Variants in PIP5K1B observed in about 807,000 individuals in gnomAD.
PIP5K1B encodes phosphatidylinositol-4-phosphate 5-kinase type 1 beta, also known as phosphatidylinositol 4-phosphate 5-kinase type-1 beta.
Under a neutral mutation model 67.0 loss-of-function variants are expected in PIP5K1B, and 42 were observed. The observed-to-expected ratio is 0.63, with a 90% CI of 0.49 to 0.81. The LOEUF is 0.81. Among genes scored for constraint, PIP5K1B ranks in the 30% least tolerant of loss-of-function variants. The pLI, the probability that PIP5K1B is intolerant of heterozygous loss-of-function variation, is 0.00. For synonymous variants in PIP5K1B, 214 were observed against 231.4 expected (o/e 0.92, Z 0.68); for missense variants, 459 against 646.3 (o/e 0.71, Z 3.14).
At chr9:68,885,909 C>T (rs956845617) in intron 6 of PIP5K1B, among the ~76,000 whole-genome samples, 20 of 152,230 alleles carry the variant, frequency 1.3e-4, no homozygotes, top group Admixed American at 3.9e-4. Flanking sequence ...TGGCCAGGTG[C>T]GGTGGCTCAC....
intron 4 of PIP5K1B, among the ~76,000 whole-genome samples, chr9:68,839,204 T>A (rs1042738215): frequency 2.0e-5 from 3 of 152,216 alleles, no homozygotes; most frequent in Admixed American, 1.3e-4. Flanking sequence ...TTGAGAATTT[T>A]AATGTAATTT....
chr9:68,827,923 C>T (rs1392132217), intron 4 of PIP5K1B, among the ~76,000 whole-genome samples: 1 of 152,150 alleles, frequency 6.6e-6, no homozygotes, highest in Admixed American at 6.5e-5. Flanking sequence ...CAAGTTTTGT[C>T]TGTTTTATAT....
intron 7 of PIP5K1B, among the ~76,000 whole-genome samples, chr9:68,892,690 A>T (rs1824858454): frequency 6.6e-6 from 1 of 152,230 alleles, no homozygotes. Context: ...TTTGGGATAT[A>T]AAAAAGCTTT....
intron 5 of PIP5K1B, among the ~76,000 whole-genome samples, chr9:68,872,674 A>G (rs1194679109): frequency 6.6e-6 from 1 of 152,050 alleles, no homozygotes; most frequent in Non-Finnish European, 1.5e-5. Context: ...TTTTCCTTCA[A>G]GGATTTTTTA....
In PIP5K1B at chr9:69,007,606, C is replaced by CCAG. The variant is rs1446368360; in HGVS notation, c.1621-838_1621-836dup. Among the ~76,000 whole-genome samples the CCAG allele has an allele frequency of 3.3e-5, 5 of 152,086 alleles. No individual in the cohort carries two copies. The East Asian group carries it at 9.6e-4, about 29-fold the overall frequency. On this transcript the variant is annotated intron_variant, in intron 15 of 15. Coordinates refer to ENST00000265382, the MANE Select transcript of PIP5K1B (RefSeq NM_003558.4). ...GGTGAGGTGGCTCACGCCTGTAATC[C>CCAG]CAGCACTTTGGGAGGCCAAGGTGGG...
intron 14 of PIP5K1B, among the ~76,000 whole-genome samples, chr9:68,963,695 C>G (rs953337291): frequency 6.6e-6 from 1 of 152,134 alleles, no homozygotes; most frequent in East Asian, 1.9e-4. Flanking sequence ...AGATCAGGGA[C>G]CTTTACAATG....
intron 13 of PIP5K1B, among the ~76,000 whole-genome samples, chr9:68,940,102 A>G (rs12004279): frequency 0.035 from 5,395 of 152,308 alleles, 149 homozygotes; most frequent in African/African-American, 0.079. Context: ...AAATATGTCA[A>G]TAAGAGTCCT....
intron 2 of PIP5K1B, among the ~76,000 whole-genome samples, chr9:68,811,684 G>C (rs931121415): frequency 1.3e-5 from 2 of 152,140 alleles, no homozygotes; most frequent in Non-Finnish European, 2.9e-5. Flanking sequence ...CATGTTGATT[G>C]TGATCTGTTT....
At chr9:69,008,387 G>T in intron 15 of PIP5K1B, 60 bp from the exon 16 acceptor site, 1 of 1,531,338 alleles carries the variant, frequency 6.5e-7, no homozygotes, top group Non-Finnish European at 9.1e-7. Flanking sequence ...CGACTCATGG[G>T]GAGAGGTTAC....
Position 68,851,491 on chromosome 9 carries a change from G to A in PIP5K1B, c.70-12346G>A, listed in dbSNP as rs116454441. ...CTGCAGAAATTATATCAGAAATGTC[G>A]TTGCCAATCATGAAAATAACAGAAT... On this transcript the variant is annotated intron_variant, in intron 4 of 15. Coordinates refer to ENST00000265382, the MANE Select transcript of PIP5K1B (RefSeq NM_003558.4). Among the ~76,000 whole-genome samples, 922 of 152,264 alleles carry A rather than the reference G, an allele frequency of 6.1e-3. 11 individuals are homozygous for A. The highest frequency in any genetic ancestry group is 0.021 in the African/African-American group (882 of 41,548).
At chr9:68,784,950 G>A (rs1263404699) in intron 2 of PIP5K1B, among the ~76,000 whole-genome samples, 1 of 152,114 alleles carries the variant, frequency 6.6e-6, no homozygotes, top group African/African-American at 2.4e-5. Flanking sequence ...CAATTATTGA[G>A]GAATCTAAGA....
chr9:68,745,916 A>C (rs1291486327), intron 2 of PIP5K1B, among the ~76,000 whole-genome samples: 2 of 152,158 alleles, frequency 1.3e-5, no homozygotes, highest in African/African-American at 4.8e-5. Flanking sequence ...TCTCACATCA[A>C]ATGGTAAGCC....
At chr9:68,918,827 A>G (rs764896500) in intron 9 of PIP5K1B, among the ~76,000 whole-genome samples, 9 of 152,338 alleles carry the variant, frequency 5.9e-5, no homozygotes, top group Non-Finnish European at 1.0e-4. Context: ...AAATTATCCT[A>G]TATCAGTATG....
At chr9:68,952,204 T>G (rs1828114485) in intron 14 of PIP5K1B, among the ~76,000 whole-genome samples, 1 of 152,250 alleles carries the variant, frequency 6.6e-6, no homozygotes, top group South Asian at 2.1e-4. Flanking sequence ...TCGGTTTGCT[T>G]AGTTTTCTGT....
intron 2 of PIP5K1B, among the ~76,000 whole-genome samples, chr9:68,811,348 G>A (rs1410898024): frequency 6.6e-6 from 1 of 152,118 alleles, no homozygotes; most frequent in Non-Finnish European, 1.5e-5. Flanking sequence ...TCACAGGGAA[G>A]TCATCCCATA....
At chr9:68,745,898 T>C (rs1829274303) in intron 2 of PIP5K1B, among the ~76,000 whole-genome samples, 1 of 152,202 alleles carries the variant, frequency 6.6e-6, no homozygotes, top group Non-Finnish European at 1.5e-5. Flanking sequence ...AGCTATTTAG[T>C]GTCTTACTCT....
intron 13 of PIP5K1B, among the ~76,000 whole-genome samples, chr9:68,939,745 C>A (rs1167086866): frequency 1.3e-5 from 2 of 152,210 alleles, no homozygotes; most frequent in Non-Finnish European, 2.9e-5. Flanking sequence ...ATACCCTTCA[C>A]ATCCAAAATC....
At chr9:68,895,570 C>T (rs1786543336) in intron 8 of PIP5K1B, among the ~76,000 whole-genome samples, 1 of 151,634 alleles carries the variant, frequency 6.6e-6, no homozygotes, top group Non-Finnish European at 1.5e-5. Context: ...CAGTCTGACA[C>T]CCCTTCTAAG....
intron 1 of PIP5K1B, among the ~76,000 whole-genome samples, chr9:68,708,611 A>G (rs528278859): frequency 1.5e-5 from 2 of 137,524 alleles, no homozygotes; most frequent in East Asian, 2.2e-4. Context: ...GACTTGTCCC[A>G]TTTTATGAAA....
Sources: gnomAD v4.1 joint callset for allele counts (sites outside exome capture counted in the v4.1 genomes callset) on GRCh38, gnomAD v4.1.1 for gene constraint, MANE v1.5 for transcripts, NCBI Gene and HGNC (gene_info 2026-07-23, HGNC 2026-07-21) for gene names.